Variants in ARHGAP44 observed in about 807,000 individuals in gnomAD.
The protein encoded by ARHGAP44 is Rho GTPase activating protein 44, also known as rho GTPase-activating protein 44.
A neutral mutation model predicts 106.8 loss-of-function variants in ARHGAP44; 43 were observed. That is an observed-to-expected ratio of 0.40 (90% CI 0.32 to 0.52). The LOEUF (loss-of-function observed/expected upper bound fraction) is 0.52, where lower values mean the gene tolerates loss of function less well. Among genes scored for constraint, ARHGAP44 ranks in the 20% least tolerant of loss-of-function variants. The pLI, the probability that ARHGAP44 is intolerant of heterozygous loss-of-function variation, is 0.48. For synonymous variants in ARHGAP44, 439 were observed against 410.3 expected (o/e 1.07, Z -0.85); for missense variants, 866 against 1,050.5 (o/e 0.82, Z 2.43).
Position 12,847,510 on chromosome 17 carries a change from C to CTTTTTTT in ARHGAP44, c.54-47429_54-47428insTTTTTTT, listed in dbSNP as rs201835763. Among the ~76,000 whole-genome samples, 8 of 133,596 alleles carry CTTTTTTT rather than the reference C, an allele frequency of 6.0e-5. 2 individuals carry two copies. Among genetic ancestry groups the CTTTTTTT allele is most frequent in the African/African-American group, 1.3e-4 (4 of 30,250 alleles). 87.6% of individuals were successfully genotyped at this position (133,596 alleles called of 152,430 possible). ...TACACCTTCCTTCAAGCTACCATCA[C>CTTTTTTT]TCTTTTTTTTTTTTTTTTTTTGAGA... On this transcript the variant is annotated intron_variant, in intron 1 of 20. Transcript: ENST00000379672.
At chr17:12,895,517 T>G (rs1324836258) in intron 2 of ARHGAP44, among the ~76,000 whole-genome samples, 2 of 152,234 alleles carry the variant, frequency 1.3e-5, no homozygotes, top group African/African-American at 4.8e-5. Context: ...TTCATATCTG[T>G]CACCCACTTT....
chr17:12,839,686 TTTG>T (rs535224832), intron 1 of ARHGAP44, among the ~76,000 whole-genome samples: 3 of 152,162 alleles, frequency 2.0e-5, no homozygotes, highest in African/African-American at 7.2e-5. Flanking sequence ...TTCGAGTGCT[TTTG>T]TTGTTGTTGT....
chr17:12,915,891 G>T lies in ARHGAP44; in HGVS notation c.276-9G>T. On this transcript the variant is annotated splice_polypyrimidine_tract_variant and intron_variant, in intron 4 of 20. Transcript: ENST00000379672. ...AGTATTCACTATTTCTTTCCCCCTT[G>T]GATTACAGGAAGATGCTGAAACTCT... 1 of 1,612,024 alleles carries T rather than the reference G, an allele frequency of 6.2e-7. No homozygotes were observed. Among genetic ancestry groups the T allele is most frequent in the Non-Finnish European group, 8.5e-7 (1 of 1,178,550 alleles).
At chr17:12,801,154 C>T (rs548547089) in intron 1 of ARHGAP44, among the ~76,000 whole-genome samples, 69 of 152,346 alleles carry the variant, frequency 4.5e-4, no homozygotes, top group African/African-American at 1.5e-3. Flanking sequence ...CTATGTAACA[C>T]ATTAACCAAA....
At chr17:12,903,134 AGAGAGAGTGTGTGTGTGTGTGT>A (rs1567677783) in intron 3 of ARHGAP44, among the ~76,000 whole-genome samples, 9 of 127,326 alleles carry the variant, frequency 7.1e-5, no homozygotes, top group African/African-American at 2.7e-4. Context: ...GAGGAGAGAG[AGAGAGAGTGTGTGTGTGTGTGT>A]GTGTGTGTGT....
intron 18 of ARHGAP44, among the ~76,000 whole-genome samples, chr17:12,979,504 C>T (rs1311511301): frequency 2.6e-5 from 4 of 152,090 alleles, no homozygotes; most frequent in Non-Finnish European, 5.9e-5. Context: ...CTAGCTTCTG[C>T]TGGAATGGGT....
chr17:12,954,150 G>A (rs892143017), intron 13 of ARHGAP44, among the ~76,000 whole-genome samples: 6 of 151,524 alleles, frequency 4.0e-5, no homozygotes, highest in Admixed American at 6.6e-5. Flanking sequence ...CGCCCGCCTC[G>A]GCCTCCCAAA....
At chr17:12,975,805 A>AG (rs908843309) in intron 18 of ARHGAP44, among the ~76,000 whole-genome samples, 3 of 149,648 alleles carry the variant, frequency 2.0e-5, no homozygotes, top group African/African-American at 7.3e-5. Context: ...CAAAAAAAAA[A>AG]AAAAAAAAAA....
intron 12 of ARHGAP44, among the ~76,000 whole-genome samples, chr17:12,950,062 A>C (rs1341237383): frequency 1.3e-5 from 2 of 152,236 alleles, no homozygotes; most frequent in African/African-American, 4.8e-5. Context: ...TAGATAATGA[A>C]AGGAAGTTAA....
chr17:12,881,794 A>G (rs1296859515), intron 1 of ARHGAP44, among the ~76,000 whole-genome samples: 2 of 152,124 alleles, frequency 1.3e-5, no homozygotes, highest in African/African-American at 2.4e-5. Context: ...CCTGGGCTCA[A>G]GAGATCTTTC....
At chr17:12,938,999 C>G (rs959686951) in intron 7 of ARHGAP44, among the ~76,000 whole-genome samples, 2 of 152,184 alleles carry the variant, frequency 1.3e-5, no homozygotes, top group African/African-American at 4.8e-5. Context: ...TTCCTTTCCT[C>G]TGTCTACTGA....
At chr17:12,976,168 C>G (rs1160449704) in intron 18 of ARHGAP44, among the ~76,000 whole-genome samples, 1 of 151,990 alleles carries the variant, frequency 6.6e-6, no homozygotes, top group Non-Finnish European at 1.5e-5. Context: ...ATCTTCTAAC[C>G]CAAATCTTTC....
At chr17:12,910,050 G>A (rs534342311) in intron 4 of ARHGAP44, among the ~76,000 whole-genome samples, 19 of 152,256 alleles carry the variant, frequency 1.2e-4, no homozygotes, top group Admixed American at 2.6e-4. Context: ...AGTATTGAGC[G>A]AAAATGTAAG....
Position 12,919,245 on chromosome 17 carries a change from T to C in ARHGAP44, c.388-510T>C, listed in dbSNP as rs1183026316. On this transcript the variant is annotated intron_variant, in intron 5 of 20. Coordinates refer to ENST00000379672, the MANE Select transcript of ARHGAP44 (RefSeq NM_014859.6). Reference sequence around the variant, plus strand: ...GTGTGCATATGAAACCATTAAACCGTACACCTGAAATATATACAATTCCTA... The same window carrying C: ...GTGTGCATATGAAACCATTAAACCGCACACCTGAAATATATACAATTCCTA... Among the ~76,000 whole-genome samples, 3 of 152,180 alleles carry C rather than the reference T, an allele frequency of 2.0e-5. No individual in the cohort carries two copies. The East Asian group carries it at 5.8e-4, about 29-fold the overall frequency.
chr17:12,876,846 G>A (rs908010902), intron 1 of ARHGAP44, among the ~76,000 whole-genome samples: 2 of 150,758 alleles, frequency 1.3e-5, no homozygotes, highest in African/African-American at 4.9e-5. Flanking sequence ...GGGAGGCAGA[G>A]GTTTTAGTGA....
chr17:12,940,920 G>A, intron 7 of ARHGAP44, 136 bp from the exon 8 acceptor site: 2 of 671,008 alleles, frequency 3.0e-6, no homozygotes, highest in Non-Finnish European at 4.9e-6. Flanking sequence ...CCCATGGAAA[G>A]TTTGTATCAT....
At chr17:12,954,326 C>T in intron 13 of ARHGAP44, among the ~76,000 whole-genome samples, 1 of 152,202 alleles carries the variant, frequency 6.6e-6, no homozygotes, top group East Asian at 1.9e-4. Flanking sequence ...CTAAAAATGG[C>T]TAAAGTAGTA....
chr17:12,987,100 G>A, intron 20 of ARHGAP44: 1 of 1,533,294 alleles, frequency 6.5e-7, no homozygotes. Context: ...TGTTCTTGCA[G>A]CTGTGTGACA....
At chr17:12,942,974 G>T (rs2150982730) in intron 8 of ARHGAP44, among the ~76,000 whole-genome samples, 1 of 152,336 alleles carries the variant, frequency 6.6e-6, no homozygotes, top group East Asian at 1.9e-4. Flanking sequence ...TCAGTTATAT[G>T]TTAGACTAAC....
Sources: gnomAD v4.1 joint callset for allele counts (sites outside exome capture counted in the v4.1 genomes callset) on GRCh38, gnomAD v4.1.1 for gene constraint, MANE v1.5 for transcripts, NCBI Gene and HGNC (gene_info 2026-07-23, HGNC 2026-07-21) for gene names.